The following EBPL variants were observed in gnomAD, a reference collection of about 807,000 sequenced individuals.
The protein encoded by EBPL is EBP like, also known as emopamil-binding protein-like.
EBPL carries 20 observed loss-of-function variants against 19.0 expected under a neutral mutation model. The observed-to-expected ratio is 1.05, with a 90% CI of 0.74 to 1.53. The LOEUF is 1.53. Ranked by LOEUF, EBPL falls within the 40% of genes most tolerant of loss-of-function variation. The pLI, the probability that EBPL is intolerant of heterozygous loss-of-function variation, is 0.00. For missense variants in EBPL, 219 were observed against 261.1 expected, an observed-to-expected ratio of 0.84 and a Z score of 1.11; for synonymous variants, 107 against 117.0, an observed-to-expected ratio of 0.91 and a Z score of 0.55.
intron 2 of EBPL, among the ~76,000 whole-genome samples, chr13:49,663,624 A>T (rs1008016041): frequency 6.6e-6 from 1 of 152,234 alleles, no homozygotes; most frequent in Non-Finnish European, 1.5e-5. Context: ...GAAATTTGTT[A>T]TGAAGGACAT....
intron 2 of EBPL, 138 bp from the exon 3 acceptor site, chr13:49,663,333 G>C: frequency 1.8e-6 from 2 of 1,099,926 alleles, no homozygotes; most frequent in East Asian, 4.9e-5. Context: ...TGCCTTAGTG[G>C]AAGGCAGGAG....
At chr13:49,672,251 G>A (rs1167720607) in intron 1 of EBPL, among the ~76,000 whole-genome samples, 1 of 152,234 alleles carries the variant, frequency 6.6e-6, no homozygotes, top group Non-Finnish European at 1.5e-5. Context: ...ATGCCCTGAA[G>A]AGGCTTTTAG....
intron 1 of EBPL, among the ~76,000 whole-genome samples, chr13:49,677,864 G>T (rs527437218): frequency 1.5e-4 from 23 of 152,356 alleles, no homozygotes; most frequent in Middle Eastern, 3.4e-3. Context: ...TGTGTCAGAA[G>T]TTTGCTCCTT....
At chr13:49,690,815 G>C (rs1954054533) in intron 1 of EBPL, among the ~76,000 whole-genome samples, 1 of 152,184 alleles carries the variant, frequency 6.6e-6, no homozygotes. Context: ...CGGGTGTTTC[G>C]TTTGTCTTGG....
At chr13:49,666,704 T>A in intron 2 of EBPL, among the ~76,000 whole-genome samples, 1 of 81,220 alleles carries the variant, frequency 1.2e-5, no homozygotes. Flanking sequence ...AGAGTGAGAC[T>A]CCGTCTCAAA....
At chr13:49,683,371 C>CA (rs931478218) in intron 1 of EBPL, among the ~76,000 whole-genome samples, 3 of 151,410 alleles carry the variant, frequency 2.0e-5, no homozygotes, top group East Asian at 2.0e-4. Context: ...ACTAAAAATA[C>CA]AAAAAAAATT....
Position 49,691,278 on chromosome 13 carries a change from G to T in EBPL, c.147C>A (p.Tyr49Ter), listed in dbSNP as rs1216026201. ...ADRGALIWLC[Y>*]DALVHFALEG... Reference sequence around the variant, plus strand: ...CCAGCGCGAAGTGCACCAGCGCGTCGTAGCAGAGCCAGATGAGCGCCCCGC... The same window carrying T: ...CCAGCGCGAAGTGCACCAGCGCGTCTTAGCAGAGCCAGATGAGCGCCCCGC... The change falls in exon 1 of 4, where the codon TAC becomes TAA. Residue 49 changes from tyrosine to a stop codon, truncating the protein, a stop_gained. Coordinates refer to ENST00000242827, the MANE Select transcript of EBPL (RefSeq NM_032565.5). LOFTEE classifies it high-confidence loss of function. The T allele has an allele frequency of 7.1e-7, 1 of 1,404,614 alleles. No individual in the cohort carries two copies. Among genetic ancestry groups the T allele is most frequent in the African/African-American group, 1.5e-5 (1 of 67,788 alleles). The allele number at this position is 1,404,614 out of a possible 1,614,324, so 87.0% of individuals were successfully genotyped here.
At chr13:49,666,732 A>T (rs1457368276) in intron 2 of EBPL, among the ~76,000 whole-genome samples, 1 of 147,220 alleles carries the variant, frequency 6.8e-6, no homozygotes, top group African/African-American at 2.5e-5. Context: ...AAAAAAAAAA[A>T]AACAAAAATT....
chr13:49,674,231 TAGCTGGGGTTAC>T (rs1245023093), intron 1 of EBPL, among the ~76,000 whole-genome samples: 2 of 152,074 alleles, frequency 1.3e-5, no homozygotes, highest in South Asian at 4.2e-4. Context: ...GCCTCCCAAG[TAGCTGGGGTTAC>T]AGGTGCCCGC....
At chr13:49,668,051 A>G (rs1355740975) in intron 2 of EBPL, 1 of 152,290 alleles carries the variant, frequency 6.6e-6, no homozygotes, top group Non-Finnish European at 1.5e-5. Context: ...AATGCAGCCA[A>G]TCAAAAGTGC....
chr13:49,668,932 T>G (rs1476368551), intron 2 of EBPL, among the ~76,000 whole-genome samples: 1 of 149,484 alleles, frequency 6.7e-6, no homozygotes, highest in Non-Finnish European at 1.5e-5. Context: ...CAGACTGGAG[T>G]GCAGTGGCGT....
chr13:49,678,782 G>A (rs897695522), intron 1 of EBPL, among the ~76,000 whole-genome samples: 1 of 152,112 alleles, frequency 6.6e-6, no homozygotes, highest in Admixed American at 6.5e-5. Context: ...GGATGCCGAG[G>A]CTGAGGAGGC....
chr13:49,686,843 T>C (rs1157869761), intron 1 of EBPL, among the ~76,000 whole-genome samples: 1 of 152,188 alleles, frequency 6.6e-6, no homozygotes, highest in African/African-American at 2.4e-5. Context: ...TCACCTAGGC[T>C]GGAGTGCAGT....
At chr13:49,677,816 C>T (rs148461715) in intron 1 of EBPL, among the ~76,000 whole-genome samples, 1,599 of 152,216 alleles carry the variant, frequency 0.011, 13 homozygotes, top group Non-Finnish European at 0.016. Flanking sequence ...AGAATGAAGC[C>T]GTGGACCCTC....
At chr13:49,680,972 G>A (rs1390212843) in intron 1 of EBPL, among the ~76,000 whole-genome samples, 1 of 152,116 alleles carries the variant, frequency 6.6e-6, no homozygotes, top group African/African-American at 2.4e-5. Context: ...CCACTGTTAA[G>A]TTCCATGGTA....
At chr13:49,688,243 G>A (rs747739947) in intron 1 of EBPL, among the ~76,000 whole-genome samples, 2 of 152,162 alleles carry the variant, frequency 1.3e-5, no homozygotes, top group Non-Finnish European at 2.9e-5. Flanking sequence ...AAGTCAGCCT[G>A]CCCTCTGCTG....
chr13:49,683,308 T>C lies in EBPL; in HGVS notation c.171+7946A>G, dbSNP rs183581077. On this transcript the variant is annotated intron_variant, in intron 1 of 3. Transcript: ENST00000242827. ...TTGGGAGGCCGAGGCGGGCAGATCA[T>C]GAGGTCAGGAGATGGAGACCATCCC... 6.9e-3 allele frequency among the ~76,000 whole-genome samples: 1,048 copies of C among 151,802 alleles called. 12 individuals are homozygous for C. Among genetic ancestry groups the C allele is most frequent in the African/African-American group, 0.024 (1,005 of 41,452 alleles).
At chr13:49,688,009 T>C (rs1445662385) in intron 1 of EBPL, among the ~76,000 whole-genome samples, 1 of 152,196 alleles carries the variant, frequency 6.6e-6, no homozygotes, top group Admixed American at 6.5e-5. Flanking sequence ...GTAAACCCTG[T>C]GCTCCTGTCA....
intron 1 of EBPL, among the ~76,000 whole-genome samples, chr13:49,688,587 C>T (rs1257915596): frequency 1.3e-5 from 2 of 151,834 alleles, no homozygotes; most frequent in Non-Finnish European, 2.9e-5. Flanking sequence ...GGCGTGGTGG[C>T]GGGTGCCTGT....
Sources: gnomAD v4.1 joint callset for allele counts (sites outside exome capture counted in the v4.1 genomes callset) on GRCh38, gnomAD v4.1.1 for gene constraint, MANE v1.5 for transcripts, NCBI Gene and HGNC (gene_info 2026-07-23, HGNC 2026-07-21) for gene names.